CUX1: variants seen among roughly 807,000 people sequenced by gnomAD.
CUX1 encodes the protein protein CASP.
Under a neutral mutation model 158.8 loss-of-function variants are expected in CUX1, and 31 were observed. The observed-to-expected ratio is 0.20, with a 90% CI of 0.15 to 0.26. CUX1 has a LOEUF of 0.26. CUX1 is among the 10% of genes least tolerant of loss of function. The pLI is 1.00. For synonymous variants in CUX1, 879 were observed against 862.1 expected (o/e 1.02, Z -0.34); for missense variants, 1,589 against 2,014.6 (o/e 0.79, Z 4.04).
intron 2 of CUX1, among the ~76,000 whole-genome samples, chr7:101,948,392 T>G (rs1374381453): frequency 6.6e-6 from 1 of 151,974 alleles, no homozygotes; most frequent in East Asian, 1.9e-4. Context: ...CTCTGTGCCC[T>G]AGATCCACTT....
intron 1 of CUX1, among the ~76,000 whole-genome samples, chr7:101,855,027 G>T (rs1408197929): frequency 6.6e-6 from 1 of 152,172 alleles, no homozygotes; most frequent in Admixed American, 6.5e-5. Flanking sequence ...GAGCCACCTC[G>T]CCCGGCCTGG....
chr7:102,076,825 G>C (rs1477863092), intron 4 of CUX1, among the ~76,000 whole-genome samples: 35 of 152,022 alleles, frequency 2.3e-4, no homozygotes, highest in African/African-American at 8.5e-4. Flanking sequence ...CTTGAGCCCA[G>C]GGGTTGAAGA....
At chr7:101,826,059 T>C (rs547882622) in intron 1 of CUX1, among the ~76,000 whole-genome samples, 1 of 151,968 alleles carries the variant, frequency 6.6e-6, no homozygotes, top group East Asian at 1.9e-4. Flanking sequence ...GCAGACAGAG[T>C]TCCTGATAGT....
intron 11 of CUX1, 137 bp downstream of exon 11, chr7:102,178,794 A>G: frequency 2.2e-6 from 2 of 905,994 alleles, no homozygotes; most frequent in Middle Eastern, 3.5e-4. Flanking sequence ...AGTAGCACCA[A>G]GCAGAGTCCC....
Position 102,254,181 on chromosome 7 carries a change from G to A in CUX1, c.*5139G>A. The A allele has an allele frequency of 1.0e-6, 1 of 985,588 alleles. No individual in the cohort carries two copies. Among genetic ancestry groups the A allele is most frequent in the Non-Finnish European group, 1.2e-6 (1 of 830,094 alleles). The allele number at this position is 985,588 out of a possible 1,614,324, so 61.1% of individuals were successfully genotyped here. A position where few individuals can be genotyped will look rare whatever the true frequency, so the allele number is the denominator to read the frequency against. On this transcript the variant is annotated 3_prime_UTR_variant, in exon 24 of 24. Coordinates refer to ENST00000292535, the MANE Select transcript of CUX1 (RefSeq NM_181552.4). ...AGCTCCAGCAGCTGTTTCTTTTGCA[G>A]GCAGGGCGTGGTCTCGGGGCTCCGA...
intron 8 of CUX1, among the ~76,000 whole-genome samples, chr7:102,147,202 TC>T (rs1306672357): frequency 6.6e-6 from 1 of 152,116 alleles, no homozygotes; most frequent in Non-Finnish European, 1.5e-5. Flanking sequence ...GGCTTCATCC[TC>T]CCCTCTACTT....
At chr7:102,069,073 C>CT (rs1825851703) in intron 3 of CUX1, among the ~76,000 whole-genome samples, 1 of 152,216 alleles carries the variant, frequency 6.6e-6, no homozygotes, top group Non-Finnish European at 1.5e-5. Flanking sequence ...CTCACGTCAA[C>CT]TGTGTGTGTC....
intron 1 of CUX1, among the ~76,000 whole-genome samples, chr7:101,828,892 A>G (rs1040881632): frequency 8.6e-6 from 1 of 115,618 alleles, no homozygotes; most frequent in Admixed American, 9.9e-5. Flanking sequence ...CTGCAGGGAC[A>G]GGGTGGAGGG....
intron 1 of CUX1, among the ~76,000 whole-genome samples, chr7:101,825,626 A>AT (rs1296716040): frequency 9.2e-5 from 14 of 152,240 alleles, no homozygotes; most frequent in African/African-American, 3.4e-4. Flanking sequence ...GAGAGGAAGG[A>AT]TATTGCCAGT....
intron 3 of CUX1, among the ~76,000 whole-genome samples, chr7:102,043,337 G>T (rs1822345257): frequency 2.1e-5 from 3 of 146,040 alleles, no homozygotes; most frequent in Non-Finnish European, 4.6e-5. Context: ...GTGTGTGTGT[G>T]TGTGTGTGTG....
At chr7:102,075,788 TTTG>T (rs1826638720) in intron 4 of CUX1, among the ~76,000 whole-genome samples, 1 of 152,328 alleles carries the variant, frequency 6.6e-6, no homozygotes, top group Admixed American at 6.5e-5. Context: ...CTCATTTTAC[TTTG>T]TTGTCATTCT....
chr7:101,960,067 T>A (rs1024579396), intron 2 of CUX1: 1 of 152,164 alleles, frequency 6.6e-6, no homozygotes, highest in Non-Finnish European at 1.5e-5. Flanking sequence ...CCTGGTTGGT[T>A]GGGGCGGCCT....
chr7:102,282,606 G>A, intron 21 of CUX1: 1 of 1,207,502 alleles, frequency 8.3e-7, no homozygotes, highest in Non-Finnish European at 1.2e-6. Context: ...CCCGGAGTCT[G>A]GGGCTCGAGA....
rs782436701 is a variant in CUX1 at position 102,205,136 on chromosome 7, C to T, written c.3096C>T (p.Leu1032=). Residue 1032 remains leucine (L), a synonymous_variant, in exon 20 of 24, where the codon CTC becomes CTT. Coordinates refer to ENST00000292535, the MANE Select transcript of CUX1 (RefSeq NM_181552.4). ...QGPVLHSVTS[L]QDPLQQGCVS... is the part of the protein sequence containing the mutation. ...TAGTCCTCCACTCCGTGACATCGCT[C>T]CAGGACCCGCTGCAGCAGGGCTGTG... 6.2e-7 allele frequency: 1 copy of T among 1,611,940 alleles called. No homozygotes were observed. Among genetic ancestry groups the T allele is most frequent in the Non-Finnish European group, 8.5e-7 (1 of 1,178,824 alleles).
At chr7:101,914,743 C>T (rs1406558350) in intron 1 of CUX1, among the ~76,000 whole-genome samples, 2 of 152,038 alleles carry the variant, frequency 1.3e-5, no homozygotes, top group South Asian at 2.1e-4. Context: ...GGGTGATCCA[C>T]CCACCTCGGC....
intron 20 of CUX1, among the ~76,000 whole-genome samples, chr7:102,216,634 CACACACGCACACA>C (rs1797171476): frequency 8.6e-6 from 1 of 116,390 alleles, no homozygotes; most frequent in African/African-American, 3.4e-5. Context: ...CACACACCCC[CACACACGCACACA>C]CACACACTCT....
chr7:101,893,796 A>C (rs1346274238), intron 1 of CUX1, among the ~76,000 whole-genome samples: 1 of 152,212 alleles, frequency 6.6e-6, no homozygotes, highest in African/African-American at 2.4e-5. Flanking sequence ...TCATGCAGAT[A>C]ATTTCTATGT....
At chr7:102,186,298 G>A (rs536763688) in intron 11 of CUX1, among the ~76,000 whole-genome samples, 9 of 152,208 alleles carry the variant, frequency 5.9e-5, no homozygotes, top group African/African-American at 1.7e-4. Context: ...TGGGAGAAGC[G>A]TCGCCAAGCA....
chr7:101,823,507 C>T (rs754318002), intron 1 of CUX1, among the ~76,000 whole-genome samples: 10 of 152,150 alleles, frequency 6.6e-5, no homozygotes, highest in Non-Finnish European at 1.3e-4. Flanking sequence ...AGCTTGAGAT[C>T]TTGGATGGTC....
Sources: allele counts gnomAD v4.1 joint callset (sites outside exome capture counted in the v4.1 genomes callset), GRCh38; gene constraint gnomAD v4.1.1; transcripts MANE v1.5; gene names NCBI Gene and HGNC (gene_info 2026-07-23, HGNC 2026-07-21).